NDUFAF2: variants seen among roughly 807,000 people sequenced by gnomAD.
NDUFAF2 encodes the protein NADH:ubiquinone oxidoreductase complex assembly factor 2, also known as NADH dehydrogenase [ubiquinone] 1 alpha subcomplex assembly factor 2.
A neutral mutation model predicts 22.8 loss-of-function variants in NDUFAF2; 13 were observed. The observed-to-expected ratio is 0.57, with a 90% CI of 0.37 to 0.91. NDUFAF2 has a LOEUF of 0.91. Among genes scored for constraint, NDUFAF2 ranks in the 40% least tolerant of loss-of-function variants. NDUFAF2 has a pLI of 0.01. For synonymous variants in NDUFAF2, 53 were observed against 64.2 expected (o/e 0.83, Z 0.84); for missense variants, 162 against 195.2 (o/e 0.83, Z 1.01).
intron 1 of NDUFAF2, among the ~76,000 whole-genome samples, chr5:60,989,778 G>GA (rs1370892620): frequency 1.3e-5 from 2 of 152,094 alleles, no homozygotes; most frequent in East Asian, 1.9e-4. Flanking sequence ...AACAGGATCA[G>GA]AAAAAATACC....
intron 1 of NDUFAF2, among the ~76,000 whole-genome samples, chr5:60,992,270 A>T (rs1047744768): frequency 6.6e-6 from 1 of 152,130 alleles, no homozygotes; most frequent in African/African-American, 2.4e-5. Context: ...TGTTGAGTGT[A>T]TCCTTTGCTG....
At chr5:61,009,703 T>A (rs1197212583) in intron 1 of NDUFAF2, among the ~76,000 whole-genome samples, 1 of 152,048 alleles carries the variant, frequency 6.6e-6, no homozygotes, top group East Asian at 1.9e-4. Context: ...CTTCAAGTCA[T>A]GGAATTCACT....
chr5:60,982,841 A>G (rs1751005476), intron 1 of NDUFAF2, among the ~76,000 whole-genome samples: 1 of 152,034 alleles, frequency 6.6e-6, no homozygotes, highest in Non-Finnish European at 1.5e-5. Flanking sequence ...GCTATTGTGA[A>G]TAGTGCCGCA....
At chr5:60,966,486 A>T (rs563479782) in intron 1 of NDUFAF2, among the ~76,000 whole-genome samples, 2 of 152,112 alleles carry the variant, frequency 1.3e-5, no homozygotes, top group African/African-American at 4.8e-5. Context: ...GTTTTACAGT[A>T]CAAGTCCTGT....
At chr5:61,096,302 TA>T (rs1310383074) in intron 2 of NDUFAF2, among the ~76,000 whole-genome samples, 1 of 152,010 alleles carries the variant, frequency 6.6e-6, no homozygotes, top group Non-Finnish European at 1.5e-5. Flanking sequence ...CAAGGGAGAT[TA>T]AAACCTTTGC....
At chr5:61,114,798 T>G (rs909723584) in intron 3 of NDUFAF2, 1 of 152,188 alleles carries the variant, frequency 6.6e-6, no homozygotes, top group Non-Finnish European at 1.5e-5. Context: ...TGCAGACTTG[T>G]AGAAGTATTG....
At chr5:61,152,620 GTATTT>G (rs1241689788) in intron 3 of NDUFAF2, 79 bp from the exon 4 acceptor site, 1 of 930,044 alleles carries the variant, frequency 1.1e-6, no homozygotes, top group African/African-American at 1.7e-5. Context: ...TGTATATAAT[GTATTT>G]TATTTTTATT....
At chr5:60,981,859 C>T (rs1750982917) in intron 1 of NDUFAF2, among the ~76,000 whole-genome samples, 1 of 152,106 alleles carries the variant, frequency 6.6e-6, no homozygotes, top group Non-Finnish European at 1.5e-5. Flanking sequence ...GAGGAAAAGA[C>T]AGTCTCTTTA....
At chr5:61,058,413 T>A (rs981075783) in intron 1 of NDUFAF2, among the ~76,000 whole-genome samples, 1 of 151,996 alleles carries the variant, frequency 6.6e-6, no homozygotes, top group African/African-American at 2.4e-5. Flanking sequence ...AATACTCTTT[T>A]TATATATATT....
At chr5:60,945,849 G>A (rs1363826491) in intron 1 of NDUFAF2, among the ~76,000 whole-genome samples, 1 of 152,220 alleles carries the variant, frequency 6.6e-6, no homozygotes, top group African/African-American at 2.4e-5. Flanking sequence ...TTGAAGAGGA[G>A]TATCTTCAGC....
chr5:61,052,906 C>T (rs1432918300), intron 1 of NDUFAF2, among the ~76,000 whole-genome samples: 2 of 152,188 alleles, frequency 1.3e-5, no homozygotes, highest in Non-Finnish European at 2.9e-5. Context: ...CACTAGCTTC[C>T]TACCAAAATC....
intron 1 of NDUFAF2, among the ~76,000 whole-genome samples, chr5:60,950,957 G>A (rs1416952306): frequency 6.6e-6 from 1 of 151,944 alleles, no homozygotes; most frequent in South Asian, 2.1e-4. Context: ...TTTCAGACTG[G>A]CTTCTTTCAC....
chr5:60,998,109 G>A lies in NDUFAF2; in HGVS notation c.127+52727G>A, dbSNP rs536790613. On this transcript the variant is annotated intron_variant, in intron 1 of 3. Coordinates refer to ENST00000296597, the MANE Select transcript of NDUFAF2 (RefSeq NM_174889.5). ...GAAATTTGTAGGTACTGTTTAAATT[G>A]TCTAAAAGCTAACATGTTCAGGAAC... 8.5e-5 allele frequency among the ~76,000 whole-genome samples: 13 copies of A among 152,266 alleles called. No homozygotes were observed. The South Asian group carries it at 2.7e-3, about 32-fold the overall frequency.
chr5:61,150,400 G>A (rs901948770), intron 3 of NDUFAF2, among the ~76,000 whole-genome samples: 3 of 152,036 alleles, frequency 2.0e-5, no homozygotes, highest in African/African-American at 7.2e-5. Context: ...TTTTAACTCT[G>A]AAATCTTTAA....
chr5:60,986,937 CAAA>C (rs200015156), intron 1 of NDUFAF2, among the ~76,000 whole-genome samples: 6 of 73,444 alleles, frequency 8.2e-5, no homozygotes, highest in Non-Finnish European at 3.1e-5. Context: ...TCTTTTGTCT[CAAA>C]AAAAAAAAAA....
chr5:61,143,077 A>G (rs1741081186), intron 3 of NDUFAF2, among the ~76,000 whole-genome samples: 1 of 152,180 alleles, frequency 6.6e-6, no homozygotes, highest in Non-Finnish European at 1.5e-5. Flanking sequence ...ACTGTAAAAG[A>G]ATATTCAACT....
chr5:60,973,258 C>T (rs1030101764), intron 1 of NDUFAF2, among the ~76,000 whole-genome samples: 6 of 152,090 alleles, frequency 3.9e-5, no homozygotes, highest in Non-Finnish European at 5.9e-5. Context: ...GTATAGAGTT[C>T]CCTGAGTTCA....
intron 3 of NDUFAF2, among the ~76,000 whole-genome samples, chr5:61,111,665 C>CTGGA (rs898975889): frequency 3.3e-5 from 5 of 151,950 alleles, no homozygotes; most frequent in African/African-American, 1.2e-4. Context: ...GTTGCCCAGG[C>CTGGA]TGGAGTGCAG....
At chr5:61,021,096 G>T (rs1210728627) in intron 1 of NDUFAF2, among the ~76,000 whole-genome samples, 1 of 151,308 alleles carries the variant, frequency 6.6e-6, no homozygotes, top group Non-Finnish European at 1.5e-5. Flanking sequence ...TAACTTTGTG[G>T]CATAGTATTA....
Sources: gnomAD v4.1 joint callset for allele counts (sites outside exome capture counted in the v4.1 genomes callset) on GRCh38, gnomAD v4.1.1 for gene constraint, MANE v1.5 for transcripts, NCBI Gene and HGNC (gene_info 2026-07-23, HGNC 2026-07-21) for gene names.